The following PRKN variants were observed in gnomAD, a reference collection of about 807,000 sequenced individuals.
PRKN encodes E3 ubiquitin-protein ligase parkin.
In PRKN, 56 loss-of-function variants were observed where a neutral mutation model predicts 59.5. That is an observed-to-expected ratio of 0.94 (90% CI 0.76 to 1.18). PRKN has a LOEUF of 1.18. Ranked by LOEUF, PRKN falls within the 50% of genes most tolerant of loss-of-function variation. The pLI, the probability that PRKN is intolerant of heterozygous loss-of-function variation, is 0.00. For synonymous variants in PRKN, 250 were observed against 222.1 expected, an observed-to-expected ratio of 1.13 and a Z score of -1.12; for missense variants, 657 against 596.4, an observed-to-expected ratio of 1.10 and a Z score of -1.06.
In PRKN at chr6:161,548,673, A is replaced by C; in HGVS notation, c.1083+181T>G. The C allele has an allele frequency of 1.6e-6, 1 of 627,674 alleles. No homozygotes were observed. The highest frequency in any genetic ancestry group is 2.8e-6 in the Non-Finnish European group (1 of 357,586). 38.9% of individuals were successfully genotyped at this position (627,674 alleles called of 1,614,324 possible). On this transcript the variant is annotated intron_variant, in intron 9 of 11. Coordinates refer to ENST00000366898, the MANE Select transcript of PRKN (RefSeq NM_004562.3). The surrounding 1 kb of genome is among the most constrained non-coding windows in gnomAD (Gnocchi z 4.2). ...TATAACTGTTTTCACCAAAATAAAT[A>C]CATAAATTTTCAAATCTGGAGTCCT...
chr6:162,589,307 ATC>A (rs756437863), intron 1 of PRKN, among the ~76,000 whole-genome samples: 2 of 151,108 alleles, frequency 1.3e-5, no homozygotes, highest in African/African-American at 2.4e-5. Flanking sequence ...AATATCTTCA[ATC>A]TCTCTCTCTC....
rs71004046 is a variant in PRKN, at chr6:161,370,424, CAAA to C, written c.1168-10222_1168-10220del. On this transcript the variant is annotated intron_variant, in intron 10 of 11. Coordinates refer to ENST00000366898, the MANE Select transcript of PRKN (RefSeq NM_004562.3). ...TGAAACCCCATCTCTACTCAAAATA[CAAA>C]AAAAAAAAAAAAAAATTAGCCGGGC... 5.8e-3 allele frequency among the ~76,000 whole-genome samples: 698 copies of C among 120,942 alleles called. 1 individual carries two copies. Among genetic ancestry groups the C allele is most frequent in the African/African-American group, 0.015 (499 of 34,172 alleles). 79.3% of individuals were successfully genotyped at this position (120,942 alleles called of 152,430 possible). A position where few individuals can be genotyped will look rare whatever the true frequency, so the allele number is the denominator to read the frequency against.
intron 7 of PRKN, among the ~76,000 whole-genome samples, chr6:161,608,338 T>G (rs1045363245): frequency 2.6e-5 from 4 of 152,110 alleles, no homozygotes; most frequent in African/African-American, 9.7e-5. Flanking sequence ...ATAAAATAGT[T>G]GTATAAGAAA....
intron 6 of PRKN, among the ~76,000 whole-genome samples, chr6:161,811,774 T>C (rs1456007988): frequency 1.3e-5 from 2 of 151,806 alleles, no homozygotes; most frequent in Admixed American, 1.3e-4. Context: ...AATACAAAAA[T>C]TAGCCGGGTG....
intron 7 of PRKN, among the ~76,000 whole-genome samples, chr6:161,689,029 T>C (rs1421760997): frequency 6.6e-6 from 1 of 152,210 alleles, no homozygotes; most frequent in African/African-American, 2.4e-5. Context: ...GCAAAGCCTA[T>C]GAAGATAATC....
At chr6:162,434,673 T>C (rs976499622) in intron 2 of PRKN, among the ~76,000 whole-genome samples, 7 of 152,188 alleles carry the variant, frequency 4.6e-5, no homozygotes, top group East Asian at 1.9e-4. Context: ...ATTTAACTTA[T>C]ATCTAAGGAA....
chr6:162,404,744 G>A (rs1165315182), intron 2 of PRKN, among the ~76,000 whole-genome samples: 2 of 152,114 alleles, frequency 1.3e-5, no homozygotes, highest in African/African-American at 4.8e-5. Context: ...TAGAGACGGG[G>A]TTTTGCCATG....
chr6:162,701,652 G>C (rs970750170), intron 1 of PRKN, among the ~76,000 whole-genome samples: 1 of 151,488 alleles, frequency 6.6e-6, no homozygotes, highest in African/African-American at 2.4e-5. Context: ...TAAAGCTAAG[G>C]GTCAACAAGC....
intron 9 of PRKN, among the ~76,000 whole-genome samples, chr6:161,531,271 C>T (rs1779199532): frequency 6.6e-6 from 1 of 151,528 alleles, no homozygotes; most frequent in Admixed American, 6.6e-5. Context: ...GTCCCAGCTA[C>T]TCGGGAGGCT....
chr6:162,040,757 A>G lies in PRKN; in HGVS notation c.618+13334T>C, dbSNP rs535460502. The stretch of plus-strand genomic sequence containing the variant: ...TTGATGTATTTATGAACCTGCAGAC[A>G]TATTTTTAAAGAACCACGCAAGGAT... On this transcript the variant is annotated intron_variant, in intron 5 of 11. Coordinates refer to ENST00000366898, the MANE Select transcript of PRKN (RefSeq NM_004562.3). 7.9e-5 allele frequency among the ~76,000 whole-genome samples: 12 copies of G among 151,962 alleles called. No homozygotes were observed. The South Asian group carries it at 1.5e-3, about 18-fold the overall frequency.
chr6:162,146,645 C>T (rs1377070990), intron 4 of PRKN, among the ~76,000 whole-genome samples: 1 of 152,000 alleles, frequency 6.6e-6, no homozygotes, highest in East Asian at 1.9e-4. Context: ...GCTGGGACTA[C>T]AGGCATGCAC....
intron 7 of PRKN, among the ~76,000 whole-genome samples, chr6:161,709,687 T>A (rs1248802360): frequency 3.9e-5 from 6 of 152,312 alleles, no homozygotes; most frequent in Non-Finnish European, 7.4e-5. Context: ...CACCTGTTAT[T>A]TCCCTTTATT....
chr6:161,572,563 G>A (rs1780931982), intron 7 of PRKN, among the ~76,000 whole-genome samples: 1 of 152,156 alleles, frequency 6.6e-6, no homozygotes. Context: ...GTGAGGCTGA[G>A]GCAGGAGAAT....
chr6:162,714,579 T>G (rs1442592627), intron 1 of PRKN, among the ~76,000 whole-genome samples: 1 of 152,220 alleles, frequency 6.6e-6, no homozygotes, highest in Non-Finnish European at 1.5e-5. Context: ...AGCCTAGAAT[T>G]AAATTGAAAT....
intron 2 of PRKN, among the ~76,000 whole-genome samples, chr6:162,366,874 G>A (rs183681616): frequency 1.4e-4 from 21 of 152,156 alleles, no homozygotes; most frequent in Non-Finnish European, 1.5e-5. Context: ...ATGCCAGCCT[G>A]GGCAACAAGA....
chr6:162,247,803 A>C (rs1042937613), intron 3 of PRKN, among the ~76,000 whole-genome samples: 23 of 152,160 alleles, frequency 1.5e-4, no homozygotes, highest in African/African-American at 5.3e-4. Context: ...CTCACTTGTG[A>C]ATGAACCAAG....
chr6:161,900,613 G>T (rs536242552), intron 6 of PRKN, among the ~76,000 whole-genome samples: 1 of 89,192 alleles, frequency 1.1e-5, no homozygotes, highest in African/African-American at 4.4e-5. Context: ...TTAATATACT[G>T]TAGTATATAC....
At chr6:161,973,623 GTC>G (rs1451004726) in intron 5 of PRKN, among the ~76,000 whole-genome samples, 3 of 152,146 alleles carry the variant, frequency 2.0e-5, no homozygotes, top group East Asian at 1.9e-4. Flanking sequence ...AGGGCCCTGA[GTC>G]TCTGCTATTC....
At chr6:162,671,979 G>A (rs1779340874) in intron 1 of PRKN, among the ~76,000 whole-genome samples, 2 of 152,006 alleles carry the variant, frequency 1.3e-5, no homozygotes, top group African/African-American at 4.8e-5. Flanking sequence ...CTGCGGGGAG[G>A]ATGGGCCTGG....
Sources: allele counts gnomAD v4.1 joint callset (sites outside exome capture counted in the v4.1 genomes callset), GRCh38; gene constraint gnomAD v4.1.1; non-coding constraint Gnocchi (gnomAD v3.1); transcripts MANE v1.5; gene names NCBI Gene and HGNC (gene_info 2026-07-23, HGNC 2026-07-21).